The following UBR7 variants were observed in gnomAD, a reference collection of about 807,000 sequenced individuals.
UBR7 encodes ubiquitin protein ligase E3 component n-recognin 7, also known as putative E3 ubiquitin-protein ligase UBR7.
Under a neutral mutation model 57.0 loss-of-function variants are expected in UBR7, and 22 were observed. That is an observed-to-expected ratio of 0.39 (90% CI 0.28 to 0.55). The LOEUF (loss-of-function observed/expected upper bound fraction) is 0.55. UBR7 is among the 20% of genes least tolerant of loss of function. The pLI, the probability that UBR7 is intolerant of heterozygous loss-of-function variation, is 0.69. For missense variants in UBR7, 395 were observed against 513.2 expected, an observed-to-expected ratio of 0.77 and a Z score of 2.23; for synonymous variants, 167 against 179.8, an observed-to-expected ratio of 0.93 and a Z score of 0.57.
At chr14:93,226,909 G>A (rs754566038) in intron 10 of UBR7, 34 bp from the exon 11 acceptor site, 2 of 1,506,806 alleles carry the variant, frequency 1.3e-6, no homozygotes, top group Non-Finnish European at 1.8e-6. Flanking sequence ...CTGTTACTTA[G>A]TTCTCTTTCA....
At chr14:93,223,775 A>G (rs1894767918) in intron 10 of UBR7, 4 of 743,280 alleles carry the variant, frequency 5.4e-6, no homozygotes, top group South Asian at 4.2e-5. Context: ...GAATGGGCCC[A>G]GGTGCGGTGC....
Position 93,218,501 on chromosome 14 carries a change from GTTTTTC to G in UBR7, c.602-16_602-11del. 1.2e-6 allele frequency: 2 copies of G among 1,605,370 alleles called. No individual in the cohort carries two copies. Among genetic ancestry groups the G allele is most frequent in the Non-Finnish European group, 8.5e-7 (1 of 1,172,080 alleles). On this transcript the variant is annotated intron_variant, in intron 6 of 10. Coordinates refer to ENST00000013070, the MANE Select transcript of UBR7 (RefSeq NM_175748.4). ...TAGGTCAGTGGATATGTGTGTATGT[GTTTTTC>G]TTTTTCTTTGAACTCACAGTAACCA...
intron 10 of UBR7, chr14:93,223,791 G>A (rs1170711899): frequency 3.0e-5 from 22 of 737,332 alleles, no homozygotes; most frequent in East Asian, 5.0e-5. Context: ...GGTGCCAGGC[G>A]CCCATAGACC....
chr14:93,222,352 A>C lies in UBR7; in HGVS notation c.1163A>C (p.Lys388Thr). Residue 388 changes from lysine (K) to threonine (T), a missense_variant, in exon 10 of 11, where the codon AAG becomes ACG. Coordinates refer to ENST00000013070, the MANE Select transcript of UBR7 (RefSeq NM_175748.4). ...DLKTELKDYL[K>T]RFADEGTVVK... The stretch of plus-strand genomic sequence containing the variant: ...AAGACTGAACTTAAAGACTATCTCA[A>C]GAGATTTGCTGATGAAGGCACGGTA... 6.2e-7 allele frequency: 1 copy of C among 1,609,664 alleles called. No homozygotes were observed. The highest frequency in any genetic ancestry group is 8.5e-7 in the Non-Finnish European group (1 of 1,175,850).
Position 93,219,374 on chromosome 14 carries a change from A to C in UBR7, c.960+13A>C, listed in dbSNP as rs1894659150. 6.2e-7 allele frequency: 1 copy of C among 1,614,056 alleles called. No individual in the cohort carries two copies. On this transcript the variant is annotated intron_variant, in intron 8 of 10. Coordinates refer to ENST00000013070, the MANE Select transcript of UBR7 (RefSeq NM_175748.4). Reference sequence around the variant, plus strand: ...CCAAGACTGTATGGTAAAGTATCTGATTGTGCTCAGTGTTAGCATGTTTTG... The same window carrying C: ...CCAAGACTGTATGGTAAAGTATCTGCTTGTGCTCAGTGTTAGCATGTTTTG...
At chr14:93,210,282 A>C (rs1894455666) in intron 2 of UBR7, among the ~76,000 whole-genome samples, 1 of 152,022 alleles carries the variant, frequency 6.6e-6, no homozygotes. Flanking sequence ...ACGGTGTTTC[A>C]CCGAGTTAGC....
In UBR7 at chr14:93,224,619, C is replaced by T. The variant is rs548382174; in HGVS notation, c.1185+2245C>T. 9.5e-4 allele frequency among the ~76,000 whole-genome samples: 144 copies of T among 152,192 alleles called. 3 individuals are homozygous for T. The Middle Eastern group carries it at 0.017, about 18-fold the overall frequency. On this transcript the variant is annotated intron_variant, in intron 10 of 10. Transcript: ENST00000013070. Reference sequence around the variant, plus strand: ...GTCTCGATTTCCTGACCTTGTGATCCGCCCACCTTGGCCTCCCAAAGTGCT... The same window carrying T: ...GTCTCGATTTCCTGACCTTGTGATCTGCCCACCTTGGCCTCCCAAAGTGCT...
Position 93,207,279 on chromosome 14 carries a change from CTGACAGT to C in UBR7, c.-9_-3del. On this transcript the variant is annotated 5_prime_UTR_variant, in exon 1 of 11. Coordinates refer to ENST00000013070, the MANE Select transcript of UBR7 (RefSeq NM_175748.4). ...CCGCCGGGGCCGAGCCGCTGTTCGG[CTGACAGT>C]TGAGGATGGCCGGAGCCGAGGGCGC... 6.4e-7 allele frequency: 1 copy of C among 1,552,508 alleles called. No individual in the cohort carries two copies. Among genetic ancestry groups the C allele is most frequent in the Non-Finnish European group, 8.7e-7 (1 of 1,148,098 alleles).
At chr14:93,208,689 TA>T (rs1249824289) in intron 1 of UBR7, among the ~76,000 whole-genome samples, 10 of 148,600 alleles carry the variant, frequency 6.7e-5, no homozygotes, top group South Asian at 2.1e-4. Flanking sequence ...AATAGAACTT[TA>T]AAAAAAAAAG....
intron 4 of UBR7, among the ~76,000 whole-genome samples, chr14:93,213,925 AT>A (rs149933433): frequency 3.4e-4 from 51 of 149,668 alleles, no homozygotes; most frequent in South Asian, 1.1e-3. Context: ...TTAAAACTGG[AT>A]TTTTTTTTTC....
In UBR7 at chr14:93,219,283, G is replaced by A. The variant is rs763267039; in HGVS notation, c.882G>A (p.Lys294=). The A allele has an allele frequency of 1.2e-6, 2 of 1,614,078 alleles. No individual in the cohort carries two copies. The highest frequency in any genetic ancestry group is 1.1e-5 in the South Asian group (1 of 91,092). Residue 294 remains lysine, a synonymous_variant, in exon 8 of 11, where the codon AAG becomes AAA. Coordinates refer to ENST00000013070, the MANE Select transcript of UBR7 (RefSeq NM_175748.4). ...SGCKLQELKA[K]QLIKKDTATY... is the part of the protein sequence containing the mutation. ...GCAAACTTCAGGAGCTTAAAGCTAA[G>A]CAGCTTATAAAGAAAGACACTGCCA...
At chr14:93,225,174 C>T (rs1264032181) in intron 10 of UBR7, among the ~76,000 whole-genome samples, 4 of 151,996 alleles carry the variant, frequency 2.6e-5, no homozygotes, top group South Asian at 2.1e-4. Context: ...ACCAGATCTT[C>T]ACAGAAAAAG....
intron 6 of UBR7, among the ~76,000 whole-genome samples, chr14:93,217,649 AT>A (rs1347181799): frequency 6.6e-6 from 1 of 152,232 alleles, no homozygotes; most frequent in East Asian, 1.9e-4. Context: ...TTAAGCAGTG[AT>A]TGATATTTTC....
chr14:93,208,993 C>G (rs1894427133), intron 1 of UBR7, among the ~76,000 whole-genome samples: 1 of 152,034 alleles, frequency 6.6e-6, no homozygotes, highest in South Asian at 2.1e-4. Context: ...ATGGGGTGTT[C>G]TAGAGATGAG....
chr14:93,212,627 TTGAG>T (rs1894508435), intron 4 of UBR7, among the ~76,000 whole-genome samples: 1 of 152,322 alleles, frequency 6.6e-6, no homozygotes, highest in African/African-American at 2.4e-5. Flanking sequence ...ATAGAAGTGT[TTGAG>T]TGAATGTGTG....
intron 10 of UBR7, among the ~76,000 whole-genome samples, chr14:93,226,653 C>T (rs1894855679): frequency 6.6e-6 from 1 of 152,136 alleles, no homozygotes; most frequent in East Asian, 1.9e-4. Flanking sequence ...ATTAGCCGGG[C>T]TTGGTGGCGG....
At position 93,219,184 on chromosome 14, in the gene UBR7, C is replaced by T. The variant is rs1267875720; in HGVS notation, c.811-28C>T. ...ATGAAAACTATGGTAGTTTAAAAAA[C>T]ATGCTTCAAAACTTAATTTTATTTC... On this transcript the variant is annotated intron_variant, in intron 7 of 10. Coordinates refer to ENST00000013070, the MANE Select transcript of UBR7 (RefSeq NM_175748.4). The T allele has an allele frequency of 3.1e-6, 5 of 1,612,196 alleles. 1 individual carries two copies. The South Asian group carries it at 4.4e-5, about 14-fold the overall frequency.
chr14:93,211,328 C>G (rs113243690), intron 3 of UBR7, among the ~76,000 whole-genome samples: 8 of 151,186 alleles, frequency 5.3e-5, no homozygotes, highest in African/African-American at 1.9e-4. Flanking sequence ...AGGTGGATCA[C>G]TTGAGGTCAG....
intron 10 of UBR7, among the ~76,000 whole-genome samples, chr14:93,223,293 G>T (rs1894748853): frequency 6.6e-6 from 1 of 150,942 alleles, no homozygotes; most frequent in Non-Finnish European, 1.5e-5. Context: ...CTACTCCGAG[G>T]CTGAGGCAGG....
Sources: allele counts gnomAD v4.1 joint callset (sites outside exome capture counted in the v4.1 genomes callset), GRCh38; gene constraint gnomAD v4.1.1; transcripts MANE v1.5; gene names NCBI Gene and HGNC (gene_info 2026-07-23, HGNC 2026-07-21).